Variants in POLR3F observed in about 807,000 individuals in gnomAD.
POLR3F encodes DNA-directed RNA polymerase III subunit RPC6.
Under a neutral mutation model 43.6 loss-of-function variants are expected in POLR3F, and 31 were observed. That is an observed-to-expected ratio of 0.71 (90% CI 0.53 to 0.96). The LOEUF (loss-of-function observed/expected upper bound fraction) is 0.96, where lower values mean the gene tolerates loss of function less well. POLR3F is among the 40% of genes least tolerant of loss of function. The probability of loss-of-function intolerance (pLI) is 0.00; values close to 1 mark genes in which losing one functional copy is unlikely to be tolerated. For synonymous variants in POLR3F, 114 were observed against 132.5 expected (o/e 0.86, Z 0.96); for missense variants, 316 against 391.7 (o/e 0.81, Z 1.63).
intron 5 of POLR3F, among the ~76,000 whole-genome samples, chr20:18,476,696 CT>C (rs1423986080): frequency 6.6e-6 from 1 of 152,188 alleles, no homozygotes; most frequent in Admixed American, 6.5e-5. Flanking sequence ...AAAACCTCTG[CT>C]TTGCAAGACA....
rs2059694425 is a variant in POLR3F at position 18,467,419 on chromosome 20, C to G, written c.-88C>G. ...AAGGCCCCTCGGCCTCAGCAGAGCG[C>G]TATCCTCCACTGGTTCCCCGGGTTC... is the stretch of plus-strand genomic sequence containing the variant. On this transcript the variant is annotated 5_prime_UTR_variant, in exon 1 of 9. Coordinates refer to ENST00000377603, the MANE Select transcript of POLR3F (RefSeq NM_006466.4). The G allele has an allele frequency of 6.9e-7, 1 of 1,439,422 alleles. No homozygotes were observed. The highest frequency in any genetic ancestry group is 9.8e-7 in the Non-Finnish European group (1 of 1,023,258). The allele number at this position is 1,439,422 out of a possible 1,614,324, so 89.2% of individuals were successfully genotyped here.
Position 18,467,422 on chromosome 20 carries a change from T to G in POLR3F, c.-85T>G. The stretch of plus-strand genomic sequence containing the variant: ...GCCCCTCGGCCTCAGCAGAGCGCTA[T>G]CCTCCACTGGTTCCCCGGGTTCCCC... On this transcript the variant is annotated 5_prime_UTR_variant, in exon 1 of 9. Transcript: ENST00000377603. The G allele has an allele frequency of 1.4e-6, 2 of 1,457,188 alleles. No homozygotes were observed. The highest frequency in any genetic ancestry group is 1.9e-6 in the Non-Finnish European group (2 of 1,038,432). The allele number at this position is 1,457,188 out of a possible 1,614,324, so 90.3% of individuals were successfully genotyped here.
At chr20:18,467,696 C>T (rs1487227611) in intron 1 of POLR3F, 128 bp downstream of exon 1, 18 of 1,527,934 alleles carry the variant, frequency 1.2e-5, no homozygotes, top group Non-Finnish European at 1.5e-5. Flanking sequence ...AAAACGATTG[C>T]GGGGTTCTGG....
At chr20:18,468,496 C>G (rs906525253) in intron 1 of POLR3F, among the ~76,000 whole-genome samples, 1 of 152,108 alleles carries the variant, frequency 6.6e-6, no homozygotes, top group African/African-American at 2.4e-5. Flanking sequence ...AAGATTTTGA[C>G]TTTTTTTGTT....
At chr20:18,471,703 C>A (rs2059752243) in intron 2 of POLR3F, among the ~76,000 whole-genome samples, 2 of 152,158 alleles carry the variant, frequency 1.3e-5, no homozygotes, top group Non-Finnish European at 1.5e-5. Context: ...AGGGAATGGG[C>A]TGGGCACAGT....
chr20:18,470,979 G>C (rs1246050319), intron 2 of POLR3F, among the ~76,000 whole-genome samples: 1 of 152,080 alleles, frequency 6.6e-6, no homozygotes, highest in Admixed American at 6.5e-5. Flanking sequence ...TGGTTTCCAT[G>C]ACTCCATCTG....
chr20:18,484,217 C>A lies in POLR3F; in HGVS notation c.*659C>A. 1 of 398,412 alleles carries A rather than the reference C, an allele frequency of 2.5e-6. No homozygotes were observed. Among genetic ancestry groups the A allele is most frequent in the South Asian group, 1.3e-4 (1 of 7,842 alleles). The allele number at this position is 398,412 out of a possible 1,614,324, so 24.7% of individuals were successfully genotyped here. A position where few individuals can be genotyped will look rare whatever the true frequency, so the allele number is the denominator to read the frequency against. ...CATATTTTCAGTACATAAATACTAT[C>A]ATTTTCATTCTAAAGAATATTTTCA... On this transcript the variant is annotated 3_prime_UTR_variant, in exon 9 of 9. Coordinates refer to ENST00000377603, the MANE Select transcript of POLR3F (RefSeq NM_006466.4).
At chr20:18,478,621 G>A (rs1040518935) in intron 5 of POLR3F, among the ~76,000 whole-genome samples, 2 of 152,300 alleles carry the variant, frequency 1.3e-5, no homozygotes, top group Admixed American at 1.3e-4. Flanking sequence ...TAATGGATTA[G>A]ACTTGAAAAC....
chr20:18,468,229 A>C lies in POLR3F; in HGVS notation c.62+661A>C, dbSNP rs56137904. 5.2e-3 allele frequency among the ~76,000 whole-genome samples: 790 copies of C among 152,144 alleles called. 5 individuals are homozygous for C. Among genetic ancestry groups the C allele is most frequent in the African/African-American group, 0.017 (718 of 41,502 alleles). On this transcript the variant is annotated intron_variant, in intron 1 of 8. Coordinates refer to ENST00000377603, the MANE Select transcript of POLR3F (RefSeq NM_006466.4). Reference sequence around the variant, plus strand: ...GTAGCTGGGACTACAGGCTCGCGCCACCACGCCCAGCTAATTTTTTATGTT... The same window carrying C: ...GTAGCTGGGACTACAGGCTCGCGCCCCCACGCCCAGCTAATTTTTTATGTT...
At chr20:18,470,562 T>C (rs1251428800) in intron 2 of POLR3F, 1 of 154,854 alleles carries the variant, frequency 6.5e-6, no homozygotes, top group East Asian at 1.9e-4. Context: ...GGAATGTTGC[T>C]GATTTCTAGT....
At chr20:18,470,208 C>A (rs995771713) in intron 2 of POLR3F, among the ~76,000 whole-genome samples, 1 of 152,190 alleles carries the variant, frequency 6.6e-6, no homozygotes, top group African/African-American at 2.4e-5. Flanking sequence ...TACGCCAAGG[C>A]CTCATCTGAA....
Position 18,481,599 on chromosome 20 carries a change from CT to C in POLR3F, c.682-19del, listed in dbSNP as rs1196401149. ...TCTCCCTATCCTACTTGTGTCCTTT[CT>C]GATGTATCCCTTTTTTAGGTAGAGT... On this transcript the variant is annotated intron_variant, in intron 7 of 8. Coordinates refer to ENST00000377603, the MANE Select transcript of POLR3F (RefSeq NM_006466.4). The C allele has an allele frequency of 6.5e-7, 1 of 1,535,904 alleles. No homozygotes were observed. Among genetic ancestry groups the C allele is most frequent in the Admixed American group, 1.7e-5 (1 of 59,850 alleles).
rs2059823737 is a variant in POLR3F, at chr20:18,483,886, A to G, written c.*328A>G. ...AACATACCCGTATTTACCAAGTACT[A>G]TGATAATGGCTAGAGTATAAAAATG... is the stretch of plus-strand genomic sequence containing the variant. On this transcript the variant is annotated 3_prime_UTR_variant, in exon 9 of 9. Coordinates refer to ENST00000377603, the MANE Select transcript of POLR3F (RefSeq NM_006466.4). The G allele has an allele frequency of 2.5e-6, 1 of 393,998 alleles. No individual in the cohort carries two copies. The highest frequency in any genetic ancestry group is 4.5e-6 in the Non-Finnish European group (1 of 224,002). 24.4% of individuals were successfully genotyped at this position (393,998 alleles called of 1,614,324 possible). A position where few individuals can be genotyped will look rare whatever the true frequency, so the allele number is the denominator to read the frequency against.
intron 8 of POLR3F, among the ~76,000 whole-genome samples, chr20:18,482,051 A>T (rs542034172): frequency 7.2e-6 from 1 of 139,788 alleles, no homozygotes; most frequent in African/African-American, 2.7e-5. Context: ...GCAGTGGCAC[A>T]ATCTTGACTC....
rs369971873 is a variant in POLR3F at position 18,482,262 on chromosome 20, G to GCATGTGCCC, written c.873+454_873+462dup. ...GCCTCCCAAAGTGCTGAGATTACAGGCATGTGCCCCTGTACCTGGCCCCCT... is the reference window on the plus strand; with the variant it reads ...GCCTCCCAAAGTGCTGAGATTACAGGCATGTGCCCCATGTGCCCCTGTACCTGGCCCCCT... On this transcript the variant is annotated intron_variant, in intron 8 of 8. Coordinates refer to ENST00000377603, the MANE Select transcript of POLR3F (RefSeq NM_006466.4). 4.1e-3 allele frequency among the ~76,000 whole-genome samples: 627 copies of GCATGTGCCC among 152,202 alleles called. 13 individuals are homozygous for GCATGTGCCC. The highest frequency in any genetic ancestry group is 0.014 in the African/African-American group (585 of 41,532).
chr20:18,473,697 G>A (rs578135523), intron 4 of POLR3F, among the ~76,000 whole-genome samples: 32 of 152,270 alleles, frequency 2.1e-4, no homozygotes, highest in Admixed American at 7.8e-4. Context: ...TCTGAATTCT[G>A]AGTCACATGA....
At position 18,472,084 on chromosome 20, in the gene POLR3F, C is replaced by T. The variant is rs149540905; in HGVS notation, c.181-758C>T. 4.5e-3 allele frequency among the ~76,000 whole-genome samples: 689 copies of T among 152,262 alleles called. 7 individuals carry two copies. The highest frequency in any genetic ancestry group is 0.015 in the African/African-American group (644 of 41,550). On this transcript the variant is annotated intron_variant, in intron 2 of 8. Coordinates refer to ENST00000377603, the MANE Select transcript of POLR3F (RefSeq NM_006466.4). ...ATAATTATCTGGGTTCTCTTAAGTT[C>T]GGACCCAAGGAAATTCAGGAGCATG... is the stretch of plus-strand genomic sequence containing the variant.
chr20:18,480,131 G>A lies in POLR3F; in HGVS notation c.523G>A (p.Glu175Lys). 1 of 1,612,758 alleles carries A rather than the reference G, an allele frequency of 6.2e-7. No homozygotes were observed. Among genetic ancestry groups the A allele is most frequent in the South Asian group, 1.1e-5 (1 of 90,954 alleles). Reference protein sequence around the residue: ...AWYSDQDFESEFVEVLNQQCF... With the variant: ...AWYSDQDFESKFVEVLNQQCF... Reference sequence around the variant, plus strand: ...GTACAGTGACCAGGATTTTGAATCTGAATTTGTAGAGGTGCTTAACCAACA... The same window carrying A: ...GTACAGTGACCAGGATTTTGAATCTAAATTTGTAGAGGTGCTTAACCAACA... The change falls in exon 6 of 9, where the codon GAA (glutamate) becomes AAA (lysine). Residue 175 changes from glutamate (E) to lysine (K), a missense_variant. Physicochemically the swap from Glu to Lys is moderately conservative, Grantham distance 56. This residue lies in a region of POLR3F where 109 missense variants were observed against 177.7 expected (regional missense o/e 0.61). Transcript: ENST00000377603.
intron 2 of POLR3F, among the ~76,000 whole-genome samples, chr20:18,471,307 A>G (rs1344442810): frequency 1.3e-5 from 2 of 152,144 alleles, no homozygotes; most frequent in Non-Finnish European, 2.9e-5. Flanking sequence ...TTTACAGATG[A>G]CTAACGCATT....
Sources: allele counts gnomAD v4.1 joint callset (sites outside exome capture counted in the v4.1 genomes callset), GRCh38; gene constraint gnomAD v4.1.1; regional missense constraint gnomAD v4.1.1; transcripts MANE v1.5; gene names NCBI Gene and HGNC (gene_info 2026-07-23, HGNC 2026-07-21).